The following STPG2 variants were observed in gnomAD, a reference collection of about 807,000 sequenced individuals.
The protein encoded by STPG2 is sperm tail PG-rich repeat containing 2, also known as sperm-tail PG-rich repeat-containing protein 2.
STPG2 carries 56 observed loss-of-function variants against 54.2 expected under a neutral mutation model. The observed-to-expected ratio is 1.03, with a 90% CI of 0.83 to 1.29. STPG2 has a LOEUF of 1.29. STPG2 is among the 50% of genes most tolerant of loss of function. The probability of loss-of-function intolerance (pLI) is 0.00; values close to 1 mark genes in which losing one functional copy is unlikely to be tolerated. For missense variants in STPG2, 596 were observed against 544.9 expected (o/e 1.09, Z -0.93); for synonymous variants, 200 against 181.8 (o/e 1.10, Z -0.81).
chr4:97,981,603 T>C (rs2149263346), intron 5 of STPG2, among the ~76,000 whole-genome samples: 1 of 152,010 alleles, frequency 6.6e-6, no homozygotes, highest in South Asian at 2.1e-4. Flanking sequence ...GATGATAGTG[T>C]AGGGATAATG....
chr4:97,669,273 T>C (rs984414988), intron 10 of STPG2, among the ~76,000 whole-genome samples: 24 of 152,182 alleles, frequency 1.6e-4, no homozygotes, highest in African/African-American at 4.6e-4. Flanking sequence ...GGATGTCGCA[T>C]GGATGTTATA....
intron 7 of STPG2, among the ~76,000 whole-genome samples, chr4:97,956,438 T>C (rs1733677901): frequency 6.6e-6 from 1 of 152,110 alleles, no homozygotes; most frequent in Non-Finnish European, 1.5e-5. Context: ...CTAGATGGCA[T>C]CCCACTTGGA....
intron 9 of STPG2, among the ~76,000 whole-genome samples, chr4:97,830,614 T>G (rs1007766687): frequency 1.3e-5 from 2 of 152,124 alleles, no homozygotes; most frequent in Non-Finnish European, 1.5e-5. Flanking sequence ...ATTGGTGTGT[T>G]GTATTCAGGA....
chr4:97,631,319 T>G (rs1221662527), intron 10 of STPG2, among the ~76,000 whole-genome samples: 2 of 152,000 alleles, frequency 1.3e-5, no homozygotes, highest in Admixed American at 1.3e-4. Flanking sequence ...ATCAACACAG[T>G]GCAAAAATAT....
chr4:97,938,492 G>A (rs978029461), intron 8 of STPG2, among the ~76,000 whole-genome samples: 1 of 77,842 alleles, frequency 1.3e-5, no homozygotes, highest in Admixed American at 1.3e-4. Context: ...CCACAGTGAC[G>A]ATGGCCACCC....
At chr4:97,905,125 G>A (rs1473450216) in intron 8 of STPG2, among the ~76,000 whole-genome samples, 3 of 151,330 alleles carry the variant, frequency 2.0e-5, no homozygotes, top group Admixed American at 6.6e-5. Context: ...GATACTCCTC[G>A]AGAAGAGCAA....
rs563287717 is a variant in STPG2 at position 97,464,608 on chromosome 4, G to A, written c.462+248091C>T. 1.1e-4 allele frequency among the ~76,000 whole-genome samples: 17 copies of A among 152,148 alleles called. No individual in the cohort carries two copies. The South Asian group carries it at 3.3e-3, about 30-fold the overall frequency. On this transcript the variant is annotated intron_variant, in intron 4 of 4. Transcript: ENST00000522676. ...ATTTTTGTATTTTTAGTAGACACAAGGTTTCCCAGACAAGTCTCCAACTCC... is the reference window on the plus strand; with the variant it reads ...ATTTTTGTATTTTTAGTAGACACAAAGTTTCCCAGACAAGTCTCCAACTCC...
chr4:97,973,920 C>A (rs1734420365), intron 6 of STPG2, among the ~76,000 whole-genome samples: 1 of 152,192 alleles, frequency 6.6e-6, no homozygotes, highest in Admixed American at 6.5e-5. Context: ...CCTTTTGGGG[C>A]ACCACCTAGT....
At chr4:98,062,514 C>T (rs1737694969) in intron 5 of STPG2, among the ~76,000 whole-genome samples, 2 of 152,100 alleles carry the variant, frequency 1.3e-5, no homozygotes, top group African/African-American at 4.8e-5. Flanking sequence ...GAGAATCCTT[C>T]ACAGGGGAAA....
chr4:97,991,238 C>A (rs969360827), intron 5 of STPG2, among the ~76,000 whole-genome samples: 2 of 151,830 alleles, frequency 1.3e-5, no homozygotes, highest in Admixed American at 6.6e-5. Context: ...TTATTTCATT[C>A]CTTTTTATGG....
chr4:97,766,628 T>TA (rs1177699947), intron 9 of STPG2, among the ~76,000 whole-genome samples: 1 of 152,078 alleles, frequency 6.6e-6, no homozygotes, highest in Non-Finnish European at 1.5e-5. Context: ...TAAAGAGTTT[T>TA]AATAGCAAGA....
At chr4:97,971,847 T>A (rs1418726770) in intron 7 of STPG2, among the ~76,000 whole-genome samples, 3 of 146,974 alleles carry the variant, frequency 2.0e-5, no homozygotes, top group African/African-American at 7.6e-5. Context: ...AAAAATAGAA[T>A]CCCGTATGTC....
intron 4 of STPG2, among the ~76,000 whole-genome samples, chr4:97,495,725 A>C (rs561614867): frequency 0.016 from 2,364 of 150,664 alleles, 60 homozygotes; most frequent in African/African-American, 0.055. Flanking sequence ...AAAAAAAAAA[A>C]ACACAGAACT....
intron 9 of STPG2, among the ~76,000 whole-genome samples, chr4:97,810,968 G>T (rs987258283): frequency 2.6e-5 from 4 of 152,130 alleles, no homozygotes; most frequent in African/African-American, 9.7e-5. Flanking sequence ...GAATTATGAT[G>T]GTAAGGATCA....
chr4:97,632,818 A>T (rs1186886442), intron 10 of STPG2, among the ~76,000 whole-genome samples: 1 of 152,198 alleles, frequency 6.6e-6, no homozygotes, highest in South Asian at 2.1e-4. Flanking sequence ...AGTGATCAGA[A>T]TAAGGTAAGT....
intron 5 of STPG2, among the ~76,000 whole-genome samples, chr4:98,063,412 G>A (rs984231892): frequency 2.6e-5 from 4 of 151,746 alleles, no homozygotes; most frequent in African/African-American, 9.7e-5. Flanking sequence ...TCACACCGCT[G>A]CACTCCAGCC....
intron 5 of STPG2, among the ~76,000 whole-genome samples, chr4:98,068,190 C>G (rs1232287318): frequency 6.6e-6 from 1 of 152,164 alleles, no homozygotes; most frequent in Non-Finnish European, 1.5e-5. Context: ...ACACACTTTC[C>G]TTACCTCTTC....
chr4:97,751,558 T>C (rs147212204), intron 9 of STPG2, among the ~76,000 whole-genome samples: 2 of 151,954 alleles, frequency 1.3e-5, no homozygotes, highest in South Asian at 2.1e-4. Flanking sequence ...GAGGAAATTT[T>C]TATCATAAGT....
At chr4:97,649,215 T>C (rs1433601025) in intron 10 of STPG2, among the ~76,000 whole-genome samples, 1 of 152,142 alleles carries the variant, frequency 6.6e-6, no homozygotes, top group Non-Finnish European at 1.5e-5. Flanking sequence ...GTAGTATTTT[T>C]CTATAAGTCA....
Sources: allele counts gnomAD v4.1 joint callset (sites outside exome capture counted in the v4.1 genomes callset), GRCh38; gene constraint gnomAD v4.1.1; transcripts MANE v1.5; gene names NCBI Gene and HGNC (gene_info 2026-07-23, HGNC 2026-07-21).